Variants in SLC1A3 observed in about 807,000 individuals in gnomAD.
SLC1A3 encodes the protein solute carrier family 1 member 3.
A neutral mutation model predicts 48.1 loss-of-function variants in SLC1A3; 21 were observed. That is an observed-to-expected ratio of 0.44 (90% CI 0.31 to 0.63). The LOEUF is 0.63. Ranked by LOEUF, SLC1A3 falls within the 20% of genes least tolerant of loss-of-function variation. The pLI is 0.08. For synonymous variants in SLC1A3, 239 were observed against 251.4 expected (o/e 0.95, Z 0.47); for missense variants, 546 against 689.0 (o/e 0.79, Z 2.32).
chr5:36,599,983 T>A (rs1046262682), intron 1 of SLC1A3, among the ~76,000 whole-genome samples: 5 of 152,058 alleles, frequency 3.3e-5, no homozygotes, highest in African/African-American at 1.2e-4. Flanking sequence ...CACTATTTAT[T>A]AATTGAGGTA....
At chr5:36,666,421 C>T (rs1338797963) in intron 3 of SLC1A3, 3 of 152,180 alleles carry the variant, frequency 2.0e-5, no homozygotes, top group African/African-American at 7.2e-5. Context: ...TGAAACAGAA[C>T]AATCTTCTTG....
intron 2 of SLC1A3, among the ~76,000 whole-genome samples, chr5:36,620,268 A>G (rs1739609443): frequency 1.3e-5 from 2 of 152,222 alleles, no homozygotes; most frequent in African/African-American, 4.8e-5. Context: ...TCAGGCCCAG[A>G]ACTGTCTTTC....
At position 36,622,425 on chromosome 5, in the gene SLC1A3, T is replaced by G. The variant is rs1739713880; in HGVS notation, c.182-7025T>G. ...ATAGAGGAGGTACTTTAGTAAAATT[T>G]TACTATTTCAAACTCCAACATTTAC... On this transcript the variant is annotated intron_variant, in intron 2 of 9. Transcript: ENST00000265113. Among the ~76,000 whole-genome samples, 3 of 152,220 alleles carry G rather than the reference T, an allele frequency of 2.0e-5. No homozygotes were observed. The South Asian group carries it at 6.2e-4, about 32-fold the overall frequency.
chr5:36,607,658 G>C (rs755431686), intron 1 of SLC1A3, among the ~76,000 whole-genome samples: 3 of 152,192 alleles, frequency 2.0e-5, no homozygotes, highest in Non-Finnish European at 4.4e-5. Context: ...TGTGATTTCA[G>C]ATGATTTATA....
chr5:36,680,652 T>G, intron 8 of SLC1A3, 63 bp downstream of exon 8: 1 of 1,390,314 alleles, frequency 7.2e-7, no homozygotes, highest in Non-Finnish European at 1.0e-6. Flanking sequence ...GCGTGGTGGC[T>G]CACGCCTGTA....
At chr5:36,667,512 G>T (rs1331673768) in intron 3 of SLC1A3, among the ~76,000 whole-genome samples, 1 of 152,206 alleles carries the variant, frequency 6.6e-6, no homozygotes, top group Non-Finnish European at 1.5e-5. Flanking sequence ...GGAAATGTGG[G>T]TTCAAATCCT....
chr5:36,670,619 C>G (rs1258022593), intron 3 of SLC1A3, among the ~76,000 whole-genome samples: 1 of 152,072 alleles, frequency 6.6e-6, no homozygotes, highest in Non-Finnish European at 1.5e-5. Context: ...TTAGATTATC[C>G]TGCCAGAAAA....
At chr5:36,621,985 A>T (rs140268849) in intron 2 of SLC1A3, among the ~76,000 whole-genome samples, 37 of 152,318 alleles carry the variant, frequency 2.4e-4, no homozygotes, top group Middle Eastern at 6.8e-3. Context: ...TTGCTACCTA[A>T]ATGGAAATAT....
chr5:36,614,922 T>C (rs1260069555), intron 2 of SLC1A3, among the ~76,000 whole-genome samples: 1 of 152,226 alleles, frequency 6.6e-6, no homozygotes, highest in Non-Finnish European at 1.5e-5. Context: ...GCTCTTTTTC[T>C]TCTTGTCATT....
chr5:36,684,133 C>G (rs546294645), intron 9 of SLC1A3, 135 bp downstream of exon 9: 2 of 1,139,066 alleles, frequency 1.8e-6, no homozygotes, highest in East Asian at 4.7e-5. Flanking sequence ...TTAAATTGTC[C>G]TTATTGTCTG....
chr5:36,680,293 G>A, intron 7 of SLC1A3, 102 bp from the exon 8 acceptor site: 1 of 964,102 alleles, frequency 1.0e-6, no homozygotes, highest in African/African-American at 1.6e-5. Context: ...CTTTAAGTTA[G>A]AACATGGGAG....
Position 36,683,945 on chromosome 5 carries a change from TG to T in SLC1A3, c.1372del (p.Val458SerfsTer45). On this transcript the variant is annotated frameshift_variant, in exon 9 of 10. Coordinates refer to ENST00000265113, the MANE Select transcript of SLC1A3 (RefSeq NM_004172.5). LOFTEE classifies it high-confidence loss of function. ...TCACTATGGTCATTGTGCTGACATCTGTCGGCCTGCCCACTGACGACATCAC... is the reference window on the plus strand; with the variant it reads ...TCACTATGGTCATTGTGCTGACATCTTCGGCCTGCCCACTGACGACATCAC... ...LVTMVIVLTS[V>X]GLPTDDITLI... The T allele has an allele frequency of 1.2e-6, 2 of 1,614,218 alleles. No individual in the cohort carries two copies. Among genetic ancestry groups the T allele is most frequent in the Non-Finnish European group, 1.7e-6 (2 of 1,180,028 alleles).
intron 3 of SLC1A3, among the ~76,000 whole-genome samples, chr5:36,631,886 G>A (rs995708171): frequency 6.6e-6 from 1 of 152,192 alleles, no homozygotes; most frequent in African/African-American, 2.4e-5. Context: ...ACAGACCCCT[G>A]GAGGATCCCT....
chr5:36,666,118 C>G (rs1741735487), intron 3 of SLC1A3: 1 of 152,170 alleles, frequency 6.6e-6, no homozygotes, highest in African/African-American at 2.4e-5. Context: ...CCTCCTCACT[C>G]TCTTCCTAGG....
intron 3 of SLC1A3, among the ~76,000 whole-genome samples, chr5:36,662,040 G>A (rs755137659): frequency 1.3e-5 from 2 of 152,236 alleles, no homozygotes; most frequent in Non-Finnish European, 2.9e-5. Flanking sequence ...TACTCATCCA[G>A]TGGTCAGTTG....
At chr5:36,667,448 G>T (rs1475804701) in intron 3 of SLC1A3, among the ~76,000 whole-genome samples, 2 of 152,162 alleles carry the variant, frequency 1.3e-5, no homozygotes, top group African/African-American at 4.8e-5. Context: ...TGAAACATGG[G>T]TGACTCCTGG....
intron 2 of SLC1A3, among the ~76,000 whole-genome samples, chr5:36,623,638 A>G (rs1428975): frequency 0.81 from 121,845 of 150,416 alleles, 49,919 homozygotes; most frequent in African/African-American, 0.93. Context: ...GGTGGATCAC[A>G]AGGTCAGAAG....
chr5:36,600,956 A>G (rs1359877937), intron 1 of SLC1A3, among the ~76,000 whole-genome samples: 1 of 152,116 alleles, frequency 6.6e-6, no homozygotes, highest in Admixed American at 6.5e-5. Context: ...TGTTTTCTCA[A>G]CCCAAAACTG....
At chr5:36,617,117 A>G (rs1007205596) in intron 2 of SLC1A3, among the ~76,000 whole-genome samples, 3 of 152,170 alleles carry the variant, frequency 2.0e-5, no homozygotes, top group Admixed American at 6.5e-5. Context: ...GAAGTTGCAC[A>G]TGAGCCTATA....
Sources: allele counts gnomAD v4.1 joint callset (sites outside exome capture counted in the v4.1 genomes callset), GRCh38; gene constraint gnomAD v4.1.1; transcripts MANE v1.5; gene names NCBI Gene and HGNC (gene_info 2026-07-23, HGNC 2026-07-21).